Variants in NRF1 observed in about 807,000 individuals in gnomAD.
The protein encoded by NRF1 is alpha palindromic-binding protein.
A neutral mutation model predicts 58.5 loss-of-function variants in NRF1; 5 were observed. The observed-to-expected ratio is 0.09, with a 90% confidence interval of 0.04 to 0.18. The LOEUF (loss-of-function observed/expected upper bound fraction) is 0.18, where lower values mean the gene tolerates loss of function less well. NRF1 is among the 10% of genes least tolerant of loss of function. The pLI is 1.00. For missense variants in NRF1, 288 were observed against 657.7 expected, an observed-to-expected ratio of 0.44 and a Z score of 6.15; for synonymous variants, 224 against 246.7, an observed-to-expected ratio of 0.91 and a Z score of 0.86.
chr7:129,752,927 GT>G (rs1804156836), intron 10 of NRF1, among the ~76,000 whole-genome samples: 1 of 152,178 alleles, frequency 6.6e-6, no homozygotes, highest in Admixed American at 6.5e-5. Flanking sequence ...CATTGCAAGT[GT>G]GGGGGCGACT....
chr7:129,700,910 T>C (rs1802810334), intron 5 of NRF1, among the ~76,000 whole-genome samples: 1 of 151,972 alleles, frequency 6.6e-6, no homozygotes, highest in Admixed American at 6.6e-5. Context: ...AGCGAGACCC[T>C]GTCTCAAAAA....
intron 5 of NRF1, among the ~76,000 whole-genome samples, chr7:129,702,721 T>C (rs1171455610): frequency 6.6e-6 from 1 of 152,232 alleles, no homozygotes; most frequent in Non-Finnish European, 1.5e-5. Context: ...ATTCCTGTTT[T>C]CTGTAGGCTA....
At position 129,672,797 on chromosome 7, in the gene NRF1, C is replaced by G. The variant is rs192486182; in HGVS notation, c.338+1254C>G. On this transcript the variant is annotated intron_variant, in intron 3 of 10. Transcript: ENST00000393232. ...TGGACATGGTAAGTTTGTGATGCCT[C>G]TAACCATTAAGTGGAGATACAAAAT... Among the ~76,000 whole-genome samples the G allele has an allele frequency of 3.2e-3, 489 of 152,196 alleles. 3 individuals are homozygous for G. Among genetic ancestry groups the G allele is most frequent in the African/African-American group, 0.011 (472 of 41,514 alleles).
chr7:129,654,289 G>A (rs1019211864), intron 1 of NRF1, among the ~76,000 whole-genome samples: 12 of 152,068 alleles, frequency 7.9e-5, no homozygotes, highest in Non-Finnish European at 1.5e-4. Flanking sequence ...ATCTCTTCAG[G>A]TGTTTTGCCC....
rs1483262651 is a variant in NRF1 at position 129,755,535 on chromosome 7, GTATATATATACATA to G, written c.*365_*378del. The stretch of plus-strand genomic sequence containing the variant: ...ACATACACATTTACATATATATAAA[GTATATATATACATA>G]TATATATATATATATGTATGAAACC... On this transcript the variant is annotated 3_prime_UTR_variant, in exon 11 of 11. Coordinates refer to ENST00000393232, the MANE Select transcript of NRF1 (RefSeq NM_005011.5). The surrounding 1 kb of genome is among the most constrained non-coding windows in gnomAD (Gnocchi z 5.8). 3 of 46,944 alleles carry G rather than the reference GTATATATATACATA, an allele frequency of 6.4e-5. No homozygotes were observed. The highest frequency in any genetic ancestry group is 2.7e-4 in the African/African-American group (3 of 11,320). The allele number at this position is 46,944 out of a possible 1,614,324, so 2.9% of individuals were successfully genotyped here. A position where few individuals can be genotyped will look rare whatever the true frequency, so the allele number is the denominator to read the frequency against.
intron 10 of NRF1, among the ~76,000 whole-genome samples, chr7:129,740,940 A>G (rs1803831952): frequency 6.6e-6 from 1 of 152,184 alleles, no homozygotes; most frequent in African/African-American, 2.4e-5. Flanking sequence ...CTTAGTGCTC[A>G]TCTAAGCCAT....
chr7:129,612,387 C>T (rs1800555680), intron 1 of NRF1, among the ~76,000 whole-genome samples: 1 of 152,172 alleles, frequency 6.6e-6, no homozygotes, highest in Non-Finnish European at 1.5e-5. Flanking sequence ...TTTGGGCGAC[C>T]TCCGAAGCTT....
intron 1 of NRF1, among the ~76,000 whole-genome samples, chr7:129,641,386 A>G (rs545256299): frequency 6.6e-6 from 1 of 152,090 alleles, no homozygotes; most frequent in African/African-American, 2.4e-5. Flanking sequence ...GGAAAATGGG[A>G]TTGTAAATAC....
chr7:129,721,265 C>T (rs912901026), intron 9 of NRF1, among the ~76,000 whole-genome samples: 5 of 152,170 alleles, frequency 3.3e-5, no homozygotes, highest in Non-Finnish European at 5.9e-5. Context: ...ACTTACTCTA[C>T]GTTTCTAAAG....
At chr7:129,710,241 T>C (rs1803043602) in intron 6 of NRF1, 133 bp from the exon 7 acceptor site, 1 of 715,676 alleles carries the variant, frequency 1.4e-6, no homozygotes, top group African/African-American at 1.8e-5. Context: ...CTGTGGGAGG[T>C]AATCCTAGGA....
intron 8 of NRF1, among the ~76,000 whole-genome samples, chr7:129,716,825 G>C (rs889046626): frequency 6.6e-6 from 1 of 151,140 alleles, no homozygotes; most frequent in Non-Finnish European, 1.5e-5. Context: ...AGCCAAGATC[G>C]TGCCATTGCA....
At chr7:129,693,513 T>C (rs887847974) in intron 5 of NRF1, among the ~76,000 whole-genome samples, 3 of 152,284 alleles carry the variant, frequency 2.0e-5, no homozygotes, top group Non-Finnish European at 2.9e-5. Flanking sequence ...ATTCGTAAAC[T>C]TTCTTAAAAC....
chr7:129,636,337 C>T (rs572440668), intron 1 of NRF1, among the ~76,000 whole-genome samples: 19 of 152,006 alleles, frequency 1.2e-4, no homozygotes, highest in South Asian at 2.1e-4. Context: ...TGGGTTCAAG[C>T]GATTCTTGTG....
At chr7:129,673,459 G>A (rs1026727520) in intron 3 of NRF1, among the ~76,000 whole-genome samples, 2 of 152,172 alleles carry the variant, frequency 1.3e-5, no homozygotes, top group Admixed American at 1.3e-4. Context: ...GTCGGGCGCG[G>A]TGGCTCACGC....
chr7:129,745,063 C>CT (rs1170585669), intron 10 of NRF1, among the ~76,000 whole-genome samples: 4 of 152,158 alleles, frequency 2.6e-5, no homozygotes, highest in Admixed American at 2.0e-4. Context: ...CTTCCTAACT[C>CT]TGAGTAACTC....
At chr7:129,629,432 C>G (rs112511960) in intron 1 of NRF1, among the ~76,000 whole-genome samples, 10 of 152,290 alleles carry the variant, frequency 6.6e-5, no homozygotes, top group African/African-American at 2.2e-4. Context: ...TGCCACCACA[C>G]GCCTGGCTGA....
intron 9 of NRF1, among the ~76,000 whole-genome samples, chr7:129,724,052 T>C (rs1361186938): frequency 6.6e-6 from 1 of 152,182 alleles, no homozygotes; most frequent in Non-Finnish European, 1.5e-5. Flanking sequence ...CAAATTGGAC[T>C]TTACGAAAAT....
intron 1 of NRF1, among the ~76,000 whole-genome samples, chr7:129,625,024 C>T (rs1314442767): frequency 6.6e-6 from 1 of 152,138 alleles, no homozygotes; most frequent in African/African-American, 2.4e-5. Flanking sequence ...TGTATTCTCT[C>T]ACAGTTCTGG....
intron 10 of NRF1, among the ~76,000 whole-genome samples, chr7:129,731,098 C>G (rs957988396): frequency 2.0e-5 from 3 of 151,996 alleles, no homozygotes; most frequent in South Asian, 2.1e-4. Context: ...ATGGTGAAAC[C>G]CTGTTTCTAC....
Sources: allele counts gnomAD v4.1 joint callset (sites outside exome capture counted in the v4.1 genomes callset), GRCh38; gene constraint gnomAD v4.1.1; non-coding constraint Gnocchi (gnomAD v3.1); transcripts MANE v1.5; gene names NCBI Gene and HGNC (gene_info 2026-07-23, HGNC 2026-07-21).